Variants in XIRP2 observed in about 807,000 individuals in gnomAD.
XIRP2 encodes xin actin-binding repeat-containing protein 2.
Under a neutral mutation model 277.0 loss-of-function variants are expected in XIRP2, and 236 were observed. The ratio of observed to expected loss-of-function variants is 0.85; its 90% CI spans 0.77 to 0.95. The LOEUF (loss-of-function observed/expected upper bound fraction) is 0.95, where lower values mean the gene tolerates loss of function less well. Ranked by LOEUF, XIRP2 falls within the 40% of genes least tolerant of loss-of-function variation. The pLI is 0.00. For missense variants in XIRP2, 4,640 were observed against 4,157.5 expected, an observed-to-expected ratio of 1.12 and a Z score of -3.19; for synonymous variants, 1,490 against 1,416.5, an observed-to-expected ratio of 1.05 and a Z score of -1.17.
intron 2 of XIRP2, among the ~76,000 whole-genome samples, chr2:166,909,937 C>T (rs1260142745): frequency 6.6e-6 from 1 of 152,158 alleles, no homozygotes; most frequent in East Asian, 1.9e-4. Context: ...TATGTTGAAC[C>T]AGCCTTGCAT....
At chr2:166,968,200 G>T (rs1686478807) in intron 2 of XIRP2, among the ~76,000 whole-genome samples, 2 of 151,860 alleles carry the variant, frequency 1.3e-5, no homozygotes, top group African/African-American at 4.8e-5. Context: ...TTCCAAAGAG[G>T]TTCAGTGATG....
At chr2:167,254,925 TA>T (rs892016189) in intron 10 of XIRP2, among the ~76,000 whole-genome samples, 1 of 151,242 alleles carries the variant, frequency 6.6e-6, no homozygotes, top group African/African-American at 2.4e-5. Context: ...TTTTTTTGGC[TA>T]AATCTAATGT....
intron 2 of XIRP2, among the ~76,000 whole-genome samples, chr2:166,983,868 C>T (rs941983622): frequency 6.6e-6 from 1 of 152,144 alleles, no homozygotes; most frequent in Non-Finnish European, 1.5e-5. Flanking sequence ...GCCACAATGA[C>T]AGTCTGGTGC....
chr2:166,970,166 A>G (rs984433616), intron 2 of XIRP2, among the ~76,000 whole-genome samples: 4 of 152,030 alleles, frequency 2.6e-5, no homozygotes, highest in African/African-American at 7.2e-5. Context: ...TGCTTGCTCT[A>G]TATCCTTCAG....
At chr2:167,000,711 A>T (rs1687343033) in intron 2 of XIRP2, among the ~76,000 whole-genome samples, 1 of 152,086 alleles carries the variant, frequency 6.6e-6, no homozygotes, top group Non-Finnish European at 1.5e-5. Flanking sequence ...TTTATGTTTC[A>T]ATCATTTACA....
chr2:167,153,239 A>G (rs1692067470), intron 3 of XIRP2, among the ~76,000 whole-genome samples: 1 of 152,160 alleles, frequency 6.6e-6, no homozygotes, highest in Non-Finnish European at 1.5e-5. Context: ...ACTATAGTTG[A>G]GCACAAATTG....
Position 167,244,607 on chromosome 2 carries a change from A to T in XIRP2, c.3215A>T (p.Asp1072Val). The T allele has an allele frequency of 6.2e-7, 1 of 1,612,812 alleles. No homozygotes were observed. Among genetic ancestry groups the T allele is most frequent in the Non-Finnish European group, 8.5e-7 (1 of 1,179,438 alleles). Residue 1072 changes from aspartate to valine, a missense_variant, in exon 9 of 11, where the codon GAT becomes GTT. By Grantham distance (152) the Asp-to-Val change is radical (BLOSUM62 -3). Transcript: ENST00000409195. ...QPLDSIKYFS[D>V]VEETESKTEQ... The stretch of plus-strand genomic sequence containing the variant: ...CTTGATTCAATTAAATATTTTAGTG[A>T]TGTGGAAGAAACAGAAAGTAAAACT...
intron 2 of XIRP2, among the ~76,000 whole-genome samples, chr2:167,080,113 T>C (rs1291660427): frequency 2.0e-5 from 3 of 152,148 alleles, no homozygotes; most frequent in Admixed American, 2.0e-4. Flanking sequence ...CAAGATATGA[T>C]GGAAGCTTGG....
chr2:167,186,001 G>C (rs68108130), intron 3 of XIRP2, among the ~76,000 whole-genome samples: 1 of 151,958 alleles, frequency 6.6e-6, no homozygotes, highest in Non-Finnish European at 1.5e-5. Context: ...TATTGTCCAA[G>C]AGACCTTTCT....
At chr2:166,945,962 A>G (rs985868555) in intron 2 of XIRP2, among the ~76,000 whole-genome samples, 5 of 152,178 alleles carry the variant, frequency 3.3e-5, no homozygotes, top group Non-Finnish European at 7.3e-5. Flanking sequence ...GATTAGAATC[A>G]GACAAAAACT....
chr2:167,042,742 A>G (rs2105522429), intron 2 of XIRP2, among the ~76,000 whole-genome samples: 1 of 152,262 alleles, frequency 6.6e-6, no homozygotes, highest in South Asian at 2.1e-4. Flanking sequence ...AGAGTTAGAT[A>G]AACATACAAT....
intron 2 of XIRP2, among the ~76,000 whole-genome samples, chr2:167,119,179 A>C (rs1690980003): frequency 6.6e-6 from 1 of 152,138 alleles, no homozygotes; most frequent in Non-Finnish European, 1.5e-5. Context: ...TTATTTCAAG[A>C]GTTTATGAAA....
At chr2:167,010,653 C>T (rs1222302931) in intron 2 of XIRP2, among the ~76,000 whole-genome samples, 1 of 152,098 alleles carries the variant, frequency 6.6e-6, no homozygotes, top group East Asian at 1.9e-4. Flanking sequence ...CTATAAATTA[C>T]CTTGGGCAGT....
chr2:166,937,228 G>T (rs937376130), intron 2 of XIRP2, among the ~76,000 whole-genome samples: 11 of 152,116 alleles, frequency 7.2e-5, no homozygotes, highest in African/African-American at 2.4e-5. Context: ...CTGTGGGTTT[G>T]TCATACATAG....
At chr2:167,136,204 G>GA (rs1302514468) in intron 3 of XIRP2, 142 bp downstream of exon 3, 8 of 737,228 alleles carry the variant, frequency 1.1e-5, no homozygotes, top group Non-Finnish European at 1.5e-5. Flanking sequence ...TACAATTTAG[G>GA]AAAAATAGAG....
At chr2:166,908,962 T>C (rs1376815995) in intron 2 of XIRP2, among the ~76,000 whole-genome samples, 3 of 152,202 alleles carry the variant, frequency 2.0e-5, no homozygotes, top group Non-Finnish European at 2.9e-5. Flanking sequence ...CTCTGTTCTG[T>C]TCCATTGGTC....
chr2:167,044,223 T>G (rs1688734106), intron 2 of XIRP2, among the ~76,000 whole-genome samples: 1 of 151,986 alleles, frequency 6.6e-6, no homozygotes, highest in Non-Finnish European at 1.5e-5. Context: ...AAATTCAATA[T>G]CACTTCATGT....
chr2:167,252,882 T>A (rs902862694), intron 9 of XIRP2, among the ~76,000 whole-genome samples: 5 of 151,984 alleles, frequency 3.3e-5, no homozygotes, highest in African/African-American at 4.8e-5. Context: ...TTTATCAGGT[T>A]AATATGGTTC....
chr2:166,905,303 C>T (rs1684489067), intron 2 of XIRP2, among the ~76,000 whole-genome samples: 1 of 151,630 alleles, frequency 6.6e-6, no homozygotes, highest in South Asian at 2.1e-4. Context: ...GAATATTTAC[C>T]CAAGATAACT....
Sources: gnomAD v4.1 joint callset for allele counts (sites outside exome capture counted in the v4.1 genomes callset) on GRCh38, gnomAD v4.1.1 for gene constraint, MANE v1.5 for transcripts, NCBI Gene and HGNC (gene_info 2026-07-23, HGNC 2026-07-21) for gene names.